The following INTS13 variants were observed in gnomAD, a reference collection of about 807,000 sequenced individuals.
INTS13 encodes the protein integrator complex subunit 13, also known as asunder, spermatogenesis regulator homolog (Drosphila).
Under a neutral mutation model 90.2 loss-of-function variants are expected in INTS13, and 35 were observed. The observed-to-expected ratio is 0.39, with a 90% CI of 0.30 to 0.51. The LOEUF (loss-of-function observed/expected upper bound fraction) is 0.51, where lower values mean the gene tolerates loss of function less well. Among genes scored for constraint, INTS13 ranks in the 20% least tolerant of loss-of-function variants. The pLI, the probability that INTS13 is intolerant of heterozygous loss-of-function variation, is 0.80. For missense variants in INTS13, 601 were observed against 851.2 expected, an observed-to-expected ratio of 0.71 and a Z score of 3.66; for synonymous variants, 309 against 277.1, an observed-to-expected ratio of 1.11 and a Z score of -1.14.
rs1417359906 is a variant in INTS13 at position 26,915,984 on chromosome 12, T to C, written c.1248+18A>G. 3 of 1,551,596 alleles carry C rather than the reference T, an allele frequency of 1.9e-6. No homozygotes were observed. The highest frequency in any genetic ancestry group is 1.9e-5 in the Admixed American group (1 of 52,156). On this transcript the variant is annotated intron_variant, in intron 11 of 16. Transcript: ENST00000261191. The stretch of plus-strand genomic sequence containing the variant: ...TGACAGATTCAAAACTTAAAATTTA[T>C]AGATATTAGAGTCTTACTGTAATCC...
In INTS13 at chr12:26,906,347, A is replaced by G; in HGVS notation, c.2036T>C (p.Val679Ala). The change falls in exon 16 of 17, where the codon GTT (valine) becomes GCT (alanine). Residue 679 changes from valine (V) to alanine (A), a missense_variant. Val to Ala is a moderately conservative substitution (Grantham distance 64). Transcript: ENST00000261191. ...HQEFAGRLNS[V>A]NNRAELYQHL... ...TTGATATAGTTCAGCTCTGTTATTA[A>G]CAGAGTTCAAACGTCCAGCAAATTC... 1 of 1,613,008 alleles carries G rather than the reference A, an allele frequency of 6.2e-7. No homozygotes were observed. The highest frequency in any genetic ancestry group is 2.2e-5 in the East Asian group (1 of 44,782).
In INTS13 at chr12:26,936,657, T is replaced by C. The variant is rs780559584; in HGVS notation, c.147A>G (p.Lys49=). The change falls in exon 2 of 17, where the codon AAA becomes AAG. Residue 49 remains lysine, a synonymous_variant. Coordinates refer to ENST00000261191, the MANE Select transcript of INTS13 (RefSeq NM_018164.3). ...QGIIPLAPIS[K]SLWTCSVESS... is the part of the protein sequence containing the mutation. ...ATTCTACTGAGCAAGTCCACAATGA[T>C]TTAGATATGGGGGCCAAAGGAATGA... is the stretch of plus-strand genomic sequence containing the variant. 10 of 1,613,500 alleles carry C rather than the reference T, an allele frequency of 6.2e-6. No individual in the cohort carries two copies. The East Asian group carries it at 1.6e-4, about 25-fold the overall frequency.
chr12:26,912,154 G>A (rs7966909), intron 14 of INTS13, among the ~76,000 whole-genome samples: 76,630 of 152,038 alleles, frequency 0.5, 19,716 homozygotes, highest in East Asian at 0.79. Context: ...TGTGTTTTTC[G>A]TCAGTCGCAG....
At position 26,914,290 on chromosome 12, in the gene INTS13, A is replaced by T. The variant is rs1464560990; in HGVS notation, c.1419+118T>A. 9 of 1,217,584 alleles carry T rather than the reference A, an allele frequency of 7.4e-6. No homozygotes were observed. In the African/African-American group the frequency reaches 1.4e-4, roughly 19 times the overall value. 75.4% of individuals were successfully genotyped at this position (1,217,584 alleles called of 1,614,324 possible). Reference sequence around the variant, plus strand: ...TAATTATTAATTCTTTAACTTTAGCAAGCTCATATATTTCATTCTTTGCTT... The same window carrying T: ...TAATTATTAATTCTTTAACTTTAGCTAGCTCATATATTTCATTCTTTGCTT... On this transcript the variant is annotated intron_variant, in intron 12 of 16. Coordinates refer to ENST00000261191, the MANE Select transcript of INTS13 (RefSeq NM_018164.3).
chr12:26,910,706 G>C (rs1037889933), intron 15 of INTS13, among the ~76,000 whole-genome samples: 2 of 152,086 alleles, frequency 1.3e-5, no homozygotes. Flanking sequence ...ATCTTTATTA[G>C]CAGCATAAGA....
intron 16 of INTS13, 40 bp from the exon 17 acceptor site, chr12:26,905,576 T>A: frequency 6.4e-7 from 1 of 1,566,088 alleles, no homozygotes; most frequent in South Asian, 1.1e-5. Context: ...AAAATAAATA[T>A]TCATTAACAT....
chr12:26,911,087 A>G, intron 15 of INTS13, 91 bp downstream of exon 15: 3 of 1,392,144 alleles, frequency 2.2e-6, no homozygotes, highest in Non-Finnish European at 2.9e-6. Flanking sequence ...TGCTTGCCTC[A>G]GCCTCCCAAA....
In INTS13 at chr12:26,924,481, C is replaced by G; in HGVS notation, c.678G>C (p.Leu226Phe). 6.3e-7 allele frequency: 1 copy of G among 1,599,784 alleles called. No homozygotes were observed. Among genetic ancestry groups the G allele is most frequent in the Non-Finnish European group, 8.5e-7 (1 of 1,173,180 alleles). ...SLVSDRSKKE[L>F]SPVLTSEVHS... ...GAACTTCACTGGTTAAAACCGGGGA[C>G]AACTACAGAAAAACATACAAGAAAA... Residue 226 changes from leucine (L) to phenylalanine (F), a missense_variant and splice_region_variant, in exon 7 of 17, where the codon TTG becomes TTC. Leu to Phe is a conservative substitution (Grantham distance 22, BLOSUM62 0). Around this residue, in one of 3 missense-constraint regions of INTS13, gnomAD observed 284 missense variants for 387.7 expected, o/e 0.73. Coordinates refer to ENST00000261191, the MANE Select transcript of INTS13 (RefSeq NM_018164.3).
chr12:26,915,384 T>A (rs79786085), intron 11 of INTS13, among the ~76,000 whole-genome samples: 1 of 152,174 alleles, frequency 6.6e-6, no homozygotes, highest in Non-Finnish European at 1.5e-5. Flanking sequence ...TTGATTAGGC[T>A]TCTCCTTATT....
At chr12:26,909,078 G>C (rs1027214333) in intron 15 of INTS13, among the ~76,000 whole-genome samples, 8 of 152,050 alleles carry the variant, frequency 5.3e-5, no homozygotes, top group Non-Finnish European at 1.0e-4. Flanking sequence ...CACCCTGTGG[G>C]GGCTGGGCGC....
rs369247344 is a variant in INTS13, at chr12:26,928,956, T to C, written c.301-51A>G. 2.2e-5 allele frequency: 33 copies of C among 1,511,086 alleles called. No homozygotes were observed. In the African/African-American group the frequency reaches 3.3e-4, roughly 15 times the overall value. The allele number at this position is 1,511,086 out of a possible 1,614,324, so 93.6% of individuals were successfully genotyped here. ...TTGACAAGAGTATGTGCAATTCAGA[T>C]AAAAATATCACAAGAAAGAAAACTA... On this transcript the variant is annotated intron_variant, in intron 3 of 16. Transcript: ENST00000261191.
chr12:26,922,528 G>A, intron 8 of INTS13, 88 bp downstream of exon 8: 2 of 958,122 alleles, frequency 2.1e-6, no homozygotes, highest in Non-Finnish European at 3.1e-6. Context: ...TGGGGGTCTT[G>A]GAATGTCTTC....
chr12:26,934,862 G>C (rs1461069445), intron 2 of INTS13, among the ~76,000 whole-genome samples: 1 of 152,164 alleles, frequency 6.6e-6, no homozygotes, highest in African/African-American at 2.4e-5. Flanking sequence ...AGTCAGGGGA[G>C]GGGAGTCTAC....
Position 26,914,048 on chromosome 12 carries a change from G to A in INTS13, c.1500C>T (p.Asn500=), listed in dbSNP as rs1267000782. The A allele has an allele frequency of 6.2e-7, 1 of 1,611,086 alleles. No homozygotes were observed. Among genetic ancestry groups the A allele is most frequent in the Non-Finnish European group, 8.5e-7 (1 of 1,178,666 alleles). ...CATTTTTTCTTTCCATATCAACTAA[G>A]TTGTATATTGTTTTTTGACAGTTTA... is the stretch of plus-strand genomic sequence containing the variant. ...DVLNCQKTIY[N]LVDMERKNDP... is the part of the protein sequence containing the mutation. The change falls in exon 13 of 17, where the codon AAC becomes AAT. Residue 500 remains asparagine (N), a synonymous_variant. Transcript: ENST00000261191.
intron 3 of INTS13, among the ~76,000 whole-genome samples, chr12:26,932,024 T>C (rs1480409103): frequency 6.7e-6 from 1 of 148,312 alleles, no homozygotes; most frequent in Admixed American, 6.7e-5. Context: ...GAGGTGGAGG[T>C]TGCAGTGAGC....
chr12:26,932,953 A>G (rs114465546), intron 3 of INTS13, among the ~76,000 whole-genome samples: 1,716 of 152,354 alleles, frequency 0.011, 27 homozygotes, highest in African/African-American at 0.039. Context: ...ATCAGCAGGC[A>G]TTTAAGAAAA....
Position 26,905,417 on chromosome 12 carries a change from T to C in INTS13, c.*80A>G, listed in dbSNP as rs1951574796. ...CAGTCCAGGCAACATAACTATACCA[T>C]CTTGCTGTAAAAGTACTTATATCGA... is the stretch of plus-strand genomic sequence containing the variant. On this transcript the variant is annotated 3_prime_UTR_variant, in exon 17 of 17. Coordinates refer to ENST00000261191, the MANE Select transcript of INTS13 (RefSeq NM_018164.3). The C allele has an allele frequency of 7.6e-7, 1 of 1,316,820 alleles. No homozygotes were observed. The allele number at this position is 1,316,820 out of a possible 1,614,324, so 81.6% of individuals were successfully genotyped here.
intron 15 of INTS13, among the ~76,000 whole-genome samples, chr12:26,907,614 C>T (rs1291688754): frequency 6.6e-6 from 1 of 152,156 alleles, no homozygotes; most frequent in Non-Finnish European, 1.5e-5. Context: ...TAAAAAGCTT[C>T]TGTTGTGCAA....
At chr12:26,908,816 GT>G (rs1951688216) in intron 15 of INTS13, among the ~76,000 whole-genome samples, 1 of 152,170 alleles carries the variant, frequency 6.6e-6, no homozygotes, top group Non-Finnish European at 1.5e-5. Flanking sequence ...CAAATAGAAA[GT>G]TACAAGGAAA....
Sources: allele counts gnomAD v4.1 joint callset (sites outside exome capture counted in the v4.1 genomes callset), GRCh38; gene constraint gnomAD v4.1.1; regional missense constraint gnomAD v4.1.1; transcripts MANE v1.5; gene names NCBI Gene and HGNC (gene_info 2026-07-23, HGNC 2026-07-21).